MEGF11: variants seen among roughly 807,000 people sequenced by gnomAD.
MEGF11 encodes multiple epidermal growth factor-like domains protein 11.
A neutral mutation model predicts 146.6 loss-of-function variants in MEGF11; 126 were observed. That is an observed-to-expected ratio of 0.86 (90% confidence interval 0.74 to 1.00). The LOEUF (loss-of-function observed/expected upper bound fraction) is 1.00. MEGF11 is among the 50% of genes least tolerant of loss of function. The probability of loss-of-function intolerance (pLI) is 0.00; values close to 1 mark genes in which losing one functional copy is unlikely to be tolerated. For missense variants in MEGF11, 1,509 were observed against 1,521.2 expected, an observed-to-expected ratio of 0.99 and a Z score of 0.13; for synonymous variants, 532 against 583.4, an observed-to-expected ratio of 0.91 and a Z score of 1.27.
intron 5 of MEGF11, among the ~76,000 whole-genome samples, chr15:66,009,196 G>T (rs2082621161): frequency 6.6e-6 from 1 of 151,652 alleles, no homozygotes; most frequent in Non-Finnish European, 1.5e-5. Flanking sequence ...ATCTTCAGAA[G>T]GAGGCTTGTG....
At chr15:66,155,275 G>A (rs1420498632) in intron 1 of MEGF11, among the ~76,000 whole-genome samples, 1 of 152,192 alleles carries the variant, frequency 6.6e-6, no homozygotes, top group Non-Finnish European at 1.5e-5. Flanking sequence ...CCCGCTATGG[G>A]GTAAGGGCTC....
chr15:65,961,551 G>C (rs1034635121), intron 9 of MEGF11, among the ~76,000 whole-genome samples: 1 of 152,308 alleles, frequency 6.6e-6, no homozygotes, highest in African/African-American at 2.4e-5. Flanking sequence ...TCTCTCTCAA[G>C]GTTATTCCTG....
chr15:66,171,458 A>G (rs1341802486), intron 1 of MEGF11, among the ~76,000 whole-genome samples: 1 of 152,138 alleles, frequency 6.6e-6, no homozygotes, highest in Non-Finnish European at 1.5e-5. Context: ...TTCCAAGGAC[A>G]GAGAGGACTG....
chr15:66,068,171 G>T (rs1303158464), intron 5 of MEGF11, among the ~76,000 whole-genome samples: 1 of 152,202 alleles, frequency 6.6e-6, no homozygotes, highest in Non-Finnish European at 1.5e-5. Context: ...CTTATAAGCT[G>T]TGAGCCCCAA....
rs1194331467 is a variant in MEGF11, at chr15:66,123,881, TC to T, written c.200+17del. 3.7e-6 allele frequency: 6 copies of T among 1,603,610 alleles called. No individual in the cohort carries two copies. The highest frequency in any genetic ancestry group is 5.1e-6 in the Non-Finnish European group (6 of 1,170,566). ...CCAGTGCCTTTTCCCTGCCCCATCA[TC>T]TGAGAGAGGTACTCACCGGTGCCTG... is the stretch of plus-strand genomic sequence containing the variant. On this transcript the variant is annotated intron_variant, in intron 3 of 25. Transcript: ENST00000395614.
intron 4 of MEGF11, among the ~76,000 whole-genome samples, chr15:66,104,630 TCAC>T (rs1373441953): frequency 1.3e-5 from 2 of 152,352 alleles, no homozygotes; most frequent in African/African-American, 2.4e-5. Flanking sequence ...TGCTCTACAG[TCAC>T]CACAATTTGA....
intron 8 of MEGF11, among the ~76,000 whole-genome samples, chr15:65,967,790 C>T (rs766869953): frequency 6.6e-6 from 1 of 152,120 alleles, no homozygotes; most frequent in Non-Finnish European, 1.5e-5. Context: ...ACTAGCTCTC[C>T]CCTCTCAGAG....
At chr15:65,911,030 G>A (rs1441096995) in intron 21 of MEGF11, among the ~76,000 whole-genome samples, 3 of 152,150 alleles carry the variant, frequency 2.0e-5, no homozygotes, top group African/African-American at 7.2e-5. Flanking sequence ...CATTAAGGGA[G>A]CTCCCTATGT....
chr15:66,211,417 A>G (rs149937312), intron 1 of MEGF11, among the ~76,000 whole-genome samples: 4,210 of 151,936 alleles, frequency 0.028, 87 homozygotes, highest in Non-Finnish European at 0.04. Flanking sequence ...CCAGCTACTC[A>G]GGAGGCTGAG....
intron 4 of MEGF11, among the ~76,000 whole-genome samples, chr15:66,111,734 A>C (rs1349509786): frequency 6.6e-6 from 1 of 152,234 alleles, no homozygotes; most frequent in Non-Finnish European, 1.5e-5. Context: ...AAGAAACAAA[A>C]AGCCAGGATA....
intron 1 of MEGF11, among the ~76,000 whole-genome samples, chr15:66,156,003 C>T (rs967763604): frequency 6.6e-6 from 1 of 152,142 alleles, no homozygotes; most frequent in Admixed American, 6.5e-5. Context: ...CATCTGGGAC[C>T]CTGTGGGGAA....
chr15:66,025,104 G>T (rs1008347347), intron 5 of MEGF11, among the ~76,000 whole-genome samples: 1 of 152,184 alleles, frequency 6.6e-6, no homozygotes, highest in Non-Finnish European at 1.5e-5. Context: ...CAGAAAGAAC[G>T]TTAACTAAAT....
intron 1 of MEGF11, among the ~76,000 whole-genome samples, chr15:66,189,363 T>TGG (rs1407788217): frequency 6.6e-6 from 1 of 152,092 alleles, no homozygotes; most frequent in African/African-American, 2.4e-5. Context: ...ATAACGAATG[T>TGG]GGGTATCACA....
At chr15:66,141,289 T>TGTGTGTGAGAGA (rs1555475806) in intron 1 of MEGF11, among the ~76,000 whole-genome samples, 1 of 101,252 alleles carries the variant, frequency 9.9e-6, no homozygotes, top group Admixed American at 1.1e-4. Flanking sequence ...TGTGTGTGTG[T>TGTGTGTGAGAGA]GAGAGAGAGA....
intron 1 of MEGF11, among the ~76,000 whole-genome samples, chr15:66,187,697 A>AAG (rs3082857): frequency 0.72 from 109,721 of 151,970 alleles, 39,920 homozygotes; most frequent in African/African-American, 0.81. Flanking sequence ...AAAATGCCAA[A>AAG]ATTGGCCAGG....
intron 11 of MEGF11, 139 bp downstream of exon 11, chr15:65,930,684 C>A: frequency 9.2e-7 from 1 of 1,082,424 alleles, no homozygotes; most frequent in Non-Finnish European, 1.3e-6. Context: ...TTGCCTGGAA[C>A]CCAACCAATA....
intron 7 of MEGF11, among the ~76,000 whole-genome samples, chr15:65,975,942 A>G (rs997381411): frequency 2.6e-5 from 4 of 151,896 alleles, no homozygotes; most frequent in African/African-American, 4.8e-5. Flanking sequence ...GGGGAGAGGC[A>G]GGGGGAGAGA....
chr15:65,906,235 C>G (rs1010298049), intron 23 of MEGF11, 94 bp from the exon 24 acceptor site: 6 of 863,036 alleles, frequency 7.0e-6, no homozygotes, highest in East Asian at 2.7e-5. Flanking sequence ...TTTCCCCCCC[C>G]TTCTCCCCTA....
intron 1 of MEGF11, among the ~76,000 whole-genome samples, chr15:66,154,751 C>A (rs373962503): frequency 3.3e-5 from 5 of 152,254 alleles, no homozygotes; most frequent in African/African-American, 9.6e-5. Context: ...GCAAAGGAAC[C>A]AACCAGCCAC....
Sources: gnomAD v4.1 joint callset for allele counts (sites outside exome capture counted in the v4.1 genomes callset) on GRCh38, gnomAD v4.1.1 for gene constraint, MANE v1.5 for transcripts, NCBI Gene and HGNC (gene_info 2026-07-23, HGNC 2026-07-21) for gene names.